AIDA: variants seen among roughly 807,000 people sequenced by gnomAD.
The protein encoded by AIDA is axin interactor, dorsalization associated.
Under a neutral mutation model 42.7 loss-of-function variants are expected in AIDA, and 18 were observed. That is an observed-to-expected ratio of 0.42 (90% CI 0.29 to 0.63). The LOEUF is 0.63. Ranked by LOEUF, AIDA falls within the 20% of genes least tolerant of loss-of-function variation. The pLI is 0.19. For missense variants in AIDA, 250 were observed against 354.1 expected, an observed-to-expected ratio of 0.71 and a Z score of 2.36; for synonymous variants, 104 against 122.9, an observed-to-expected ratio of 0.85 and a Z score of 1.02.
At chr1:222,701,266 T>G (rs1237925712) in intron 2 of AIDA, among the ~76,000 whole-genome samples, 3 of 152,162 alleles carry the variant, frequency 2.0e-5, no homozygotes, top group South Asian at 2.1e-4. Flanking sequence ...CCCAGTGGTA[T>G]TTTTCTTTAA....
At chr1:222,709,841 T>A (rs746951931) in intron 1 of AIDA, among the ~76,000 whole-genome samples, 4 of 152,230 alleles carry the variant, frequency 2.6e-5, no homozygotes, top group Admixed American at 6.5e-5. Flanking sequence ...TCAAATTTTA[T>A]TCATCTTTGT....
At chr1:222,682,087 A>G (rs1229315708) in intron 6 of AIDA, among the ~76,000 whole-genome samples, 1 of 152,238 alleles carries the variant, frequency 6.6e-6, no homozygotes, top group Non-Finnish European at 1.5e-5. Context: ...AGGGACTTGA[A>G]GTCAGTGAAA....
intron 1 of AIDA, among the ~76,000 whole-genome samples, chr1:222,705,825 A>G (rs1571943141): frequency 6.6e-6 from 1 of 152,160 alleles, no homozygotes; most frequent in Admixed American, 6.6e-5. Context: ...CAAAGGGTGC[A>G]GTGAGCCAAG....
At chr1:222,710,383 T>C (rs936110464) in intron 1 of AIDA, among the ~76,000 whole-genome samples, 6 of 152,232 alleles carry the variant, frequency 3.9e-5, no homozygotes, top group African/African-American at 7.2e-5. Context: ...CTCACCTTCA[T>C]GTTCCTAGAA....
chr1:222,705,814 G>A (rs1413826176), intron 1 of AIDA, among the ~76,000 whole-genome samples: 1 of 152,018 alleles, frequency 6.6e-6, no homozygotes, highest in Non-Finnish European at 1.5e-5. Context: ...AACCCGGGAG[G>A]CAAAGGGTGC....
At chr1:222,672,305 T>C (rs1571922188) in intron 8 of AIDA, among the ~76,000 whole-genome samples, 2 of 152,270 alleles carry the variant, frequency 1.3e-5, no homozygotes, top group East Asian at 3.9e-4. Flanking sequence ...CACAAACATT[T>C]CCTAAGGCAA....
rs147341411 is a variant in AIDA at position 222,676,252 on chromosome 1, A to G, written c.461-34T>C. 1.4e-3 allele frequency: 2,256 copies of G among 1,584,572 alleles called. 44 individuals carry two copies. The South Asian group carries it at 0.017, about 12-fold the overall frequency. On this transcript the variant is annotated intron_variant, in intron 6 of 9. Transcript: ENST00000340020. ...AGAGAAAAAGCAATAAAAGCTCCATATCATTTCACAGTAAACATTTTAATG... is the reference window on the plus strand; with the variant it reads ...AGAGAAAAAGCAATAAAAGCTCCATGTCATTTCACAGTAAACATTTTAATG...
chr1:222,705,523 C>T (rs1430246429), intron 1 of AIDA, among the ~76,000 whole-genome samples: 4 of 152,174 alleles, frequency 2.6e-5, no homozygotes, highest in Admixed American at 2.6e-4. Flanking sequence ...TAATTCTACA[C>T]TCCTGTTCAA....
intron 2 of AIDA, among the ~76,000 whole-genome samples, chr1:222,700,619 G>A (rs1024626885): frequency 8.1e-5 from 8 of 99,232 alleles, no homozygotes; most frequent in South Asian, 3.2e-4. Flanking sequence ...AGCTGGGCGC[G>A]GTGGCGGGCG....
intron 3 of AIDA, 79 bp downstream of exon 3, chr1:222,694,131 A>T: frequency 7.7e-7 from 1 of 1,299,082 alleles, no homozygotes; most frequent in Non-Finnish European, 1.1e-6. Context: ...ACTGCTTTTG[A>T]CATAAATGTC....
chr1:222,681,628 AC>A lies in AIDA; in HGVS notation c.460+5301del, dbSNP rs1197990847. ...CAGTGAGCTGAAATTGTACCACTGC[AC>A]TCCAGCCTGGGCGACAGAGCGAGAC... On this transcript the variant is annotated intron_variant, in intron 6 of 9. Transcript: ENST00000340020. Among the ~76,000 whole-genome samples the A allele has an allele frequency of 2.0e-5, 3 of 152,206 alleles. No homozygotes were observed. In the East Asian group the frequency reaches 5.8e-4, roughly 29 times the overall value.
rs73124871 is a variant in AIDA, at chr1:222,692,216, A to G, written c.289+1573T>C. 6.4e-3 allele frequency among the ~76,000 whole-genome samples: 982 copies of G among 152,274 alleles called. 10 individuals are homozygous for G. Among genetic ancestry groups the G allele is most frequent in the African/African-American group, 0.022 (932 of 41,562 alleles). On this transcript the variant is annotated intron_variant, in intron 4 of 9. Coordinates refer to ENST00000340020, the MANE Select transcript of AIDA (RefSeq NM_022831.4). ...GGAGAAGGGGAGAGGTGAGTTTATA[A>G]TTTCACAGAAGGTATTAAATGAACA...
In AIDA at chr1:222,669,950, T is replaced by C. The variant is rs1247210513; in HGVS notation, c.864A>G (p.Gln288=). Residue 288 remains glutamine (Q), a synonymous_variant, in exon 10 of 10, where the codon CAA becomes CAG. Transcript: ENST00000340020. ...GATAAAGTGGTTTCTTGGTCAATAA[T>C]TGCAATTTCTTTCTTTTAAAGTCAG... The part of the protein sequence containing the change: ...KPTDFKRKKL[Q]LLTKKPLYLH... The C allele has an allele frequency of 4.3e-6, 7 of 1,613,772 alleles. No individual in the cohort carries two copies. Among genetic ancestry groups the C allele is most frequent in the South Asian group, 3.3e-5 (3 of 91,056 alleles).
chr1:222,691,540 C>T (rs1004791092), intron 4 of AIDA, among the ~76,000 whole-genome samples: 5 of 151,828 alleles, frequency 3.3e-5, no homozygotes, highest in African/African-American at 9.7e-5. Context: ...ACTATTTAGC[C>T]GACTAGAATC....
Position 222,669,762 on chromosome 1 carries a change from A to G in AIDA, c.*131T>C. 1 of 885,512 alleles carries G rather than the reference A, an allele frequency of 1.1e-6. No homozygotes were observed. The highest frequency in any genetic ancestry group is 1.7e-6 in the Non-Finnish European group (1 of 583,134). 54.9% of individuals were successfully genotyped at this position (885,512 alleles called of 1,614,324 possible). On this transcript the variant is annotated 3_prime_UTR_variant, in exon 10 of 10. Coordinates refer to ENST00000340020, the MANE Select transcript of AIDA (RefSeq NM_022831.4). ...ATTCTGTGGTACAGCTTTGCATTGG[A>G]CTCCGTCCGGCCTACTGGTCTGGGT...
rs973599900 is a variant in AIDA at position 222,668,716 on chromosome 1, G to A, written c.*1177C>T. The A allele has an allele frequency of 7.8e-6, 1 of 127,730 alleles. No individual in the cohort carries two copies. The highest frequency in any genetic ancestry group is 1.6e-5 in the Non-Finnish European group (1 of 61,364). The allele number at this position is 127,730 out of a possible 1,614,324, so 7.9% of individuals were successfully genotyped here. On this transcript the variant is annotated 3_prime_UTR_variant, in exon 10 of 10. Transcript: ENST00000340020. The stretch of plus-strand genomic sequence containing the variant: ...CCTCATGCATTGCTCATTTAAAATA[G>A]TGAATATTAAAATATGTGGGCTTTA...
chr1:222,674,970 T>G (rs1442195340), intron 7 of AIDA, among the ~76,000 whole-genome samples: 16 of 152,246 alleles, frequency 1.1e-4, no homozygotes, highest in Admixed American at 1.0e-3. Flanking sequence ...GTAAATGACC[T>G]ATCAAACTAT....
chr1:222,699,857 C>T (rs1051948053), intron 2 of AIDA, among the ~76,000 whole-genome samples: 5 of 151,848 alleles, frequency 3.3e-5, no homozygotes, highest in East Asian at 1.9e-4. Flanking sequence ...CTGCAAGCTC[C>T]GCCTCCCGGG....
intron 4 of AIDA, among the ~76,000 whole-genome samples, chr1:222,690,630 C>A (rs1480222773): frequency 1.3e-5 from 2 of 152,018 alleles, no homozygotes; most frequent in Non-Finnish European, 2.9e-5. Context: ...CCGTGACTTA[C>A]TCCAACATTC....
Sources: allele counts gnomAD v4.1 joint callset (sites outside exome capture counted in the v4.1 genomes callset), GRCh38; gene constraint gnomAD v4.1.1; transcripts MANE v1.5; gene names NCBI Gene and HGNC (gene_info 2026-07-23, HGNC 2026-07-21).